ARMC8: variants seen among roughly 807,000 people sequenced by gnomAD.
The protein encoded by ARMC8 is armadillo repeat containing 8.
A neutral mutation model predicts 99.3 loss-of-function variants in ARMC8; 20 were observed. That is an observed-to-expected ratio of 0.20 (90% CI 0.14 to 0.29). The LOEUF (loss-of-function observed/expected upper bound fraction) is 0.29, where lower values mean the gene tolerates loss of function less well. Among genes scored for constraint, ARMC8 ranks in the 10% least tolerant of loss-of-function variants. ARMC8 has a pLI of 1.00. For missense variants in ARMC8, 569 were observed against 809.5 expected (o/e 0.70, Z 3.60); for synonymous variants, 263 against 278.3 (o/e 0.95, Z 0.55).
At chr3:138,205,727 C>T (rs1286097978) in intron 1 of ARMC8, among the ~76,000 whole-genome samples, 1 of 152,124 alleles carries the variant, frequency 6.6e-6, no homozygotes. Flanking sequence ...CGCTTGAGGT[C>T]AGGAATTTGA....
chr3:138,285,520 G>T (rs1009763570), intron 19 of ARMC8, among the ~76,000 whole-genome samples: 1 of 152,118 alleles, frequency 6.6e-6, no homozygotes, highest in Admixed American at 6.5e-5. Context: ...TGGCTTCTCT[G>T]CCTGGAACAC....
chr3:138,241,019 C>T (rs1448757457), intron 10 of ARMC8, among the ~76,000 whole-genome samples: 1 of 151,968 alleles, frequency 6.6e-6, no homozygotes, highest in Non-Finnish European at 1.5e-5. Flanking sequence ...CATTGCACTC[C>T]AGCCTGGGCG....
At chr3:138,250,055 A>G (rs1318704190) in intron 12 of ARMC8, among the ~76,000 whole-genome samples, 2 of 152,220 alleles carry the variant, frequency 1.3e-5, no homozygotes, top group African/African-American at 4.8e-5. Context: ...AAAGTTGTCC[A>G]ATCACAGTGG....
At chr3:138,222,075 A>G (rs1325855281) in intron 3 of ARMC8, 78 bp downstream of exon 3, 3 of 1,074,950 alleles carry the variant, frequency 2.8e-6, no homozygotes, top group African/African-American at 3.1e-5. Flanking sequence ...TATAGAACCC[A>G]TTTTTCCTGT....
At chr3:138,213,433 G>C (rs769014739) in intron 2 of ARMC8, among the ~76,000 whole-genome samples, 1 of 152,108 alleles carries the variant, frequency 6.6e-6, no homozygotes, top group East Asian at 1.9e-4. Flanking sequence ...TTGTGTAAAA[G>C]GTTTGAATAC....
intron 12 of ARMC8, among the ~76,000 whole-genome samples, chr3:138,252,328 C>T (rs961094044): frequency 4.1e-4 from 62 of 152,236 alleles, no homozygotes; most frequent in African/African-American, 1.4e-3. Flanking sequence ...TTTTGCACTA[C>T]CGAGGCAAGT....
At chr3:138,198,079 C>T (rs1559910662) in intron 1 of ARMC8, among the ~76,000 whole-genome samples, 2 of 152,126 alleles carry the variant, frequency 1.3e-5, no homozygotes, top group African/African-American at 2.4e-5. Flanking sequence ...CCTGTAGTCC[C>T]AGCTCCTCAG....
chr3:138,283,335 G>C (rs1340341559), intron 18 of ARMC8, among the ~76,000 whole-genome samples: 1 of 152,246 alleles, frequency 6.6e-6, no homozygotes, highest in Non-Finnish European at 1.5e-5. Context: ...AATTATGTGA[G>C]TCTGAATCCC....
intron 19 of ARMC8, chr3:138,287,485 G>A: frequency 6.3e-6 from 2 of 319,430 alleles, no homozygotes; most frequent in South Asian, 5.2e-5. Context: ...ATAGTAATTT[G>A]TGTCCTTAAA....
At chr3:138,227,268 T>A (rs746940861) in intron 5 of ARMC8, among the ~76,000 whole-genome samples, 10 of 152,128 alleles carry the variant, frequency 6.6e-5, no homozygotes, top group Non-Finnish European at 1.5e-4. Context: ...ATGGGGGCTG[T>A]TGTAACTGAG....
chr3:138,206,431 C>T (rs1417405353), intron 1 of ARMC8, among the ~76,000 whole-genome samples: 1 of 152,196 alleles, frequency 6.6e-6, no homozygotes, highest in African/African-American at 2.4e-5. Flanking sequence ...CTCCTTTGCT[C>T]ATTCTGCTCC....
At chr3:138,274,265 CAT>C (rs1196408825) in intron 17 of ARMC8, among the ~76,000 whole-genome samples, 182 bp from the exon 18 acceptor site, 1 of 150,028 alleles carries the variant, frequency 6.7e-6, no homozygotes, top group Non-Finnish European at 1.5e-5. Context: ...GTGTGTATGA[CAT>C]ATTTGAAGGC....
At chr3:138,189,782 A>G (rs2043273323) in intron 1 of ARMC8, among the ~76,000 whole-genome samples, 1 of 152,218 alleles carries the variant, frequency 6.6e-6, no homozygotes, top group African/African-American at 2.4e-5. Context: ...TGCATTGCCA[A>G]CCTTGACTTT....
chr3:138,286,576 C>G (rs1340208415), intron 19 of ARMC8, among the ~76,000 whole-genome samples: 1 of 152,202 alleles, frequency 6.6e-6, no homozygotes, highest in East Asian at 1.9e-4. Context: ...AGATCACAAC[C>G]TTCATTGTAC....
chr3:138,273,664 C>G lies in ARMC8; in HGVS notation c.1629+548C>G, dbSNP rs78921954. Among the ~76,000 whole-genome samples the G allele has an allele frequency of 1.7e-3, 261 of 152,272 alleles. 1 individual carries two copies. The highest frequency in any genetic ancestry group is 5.9e-3 in the African/African-American group (244 of 41,568). Reference sequence around the variant, plus strand: ...GTTCCCCAAGAAACAATGCAAGTGGCCTTCAGGTAGATGAGGAAATATGAG... The same window carrying G: ...GTTCCCCAAGAAACAATGCAAGTGGGCTTCAGGTAGATGAGGAAATATGAG... On this transcript the variant is annotated intron_variant, in intron 17 of 21. Coordinates refer to ENST00000469044, the MANE Select transcript of ARMC8 (RefSeq NM_001363941.2).
intron 1 of ARMC8, among the ~76,000 whole-genome samples, chr3:138,191,637 T>C (rs1011808662): frequency 6.6e-6 from 1 of 152,220 alleles, no homozygotes; most frequent in African/African-American, 2.4e-5. Context: ...TCCCTCTTTA[T>C]AGTCCCACCT....
intron 5 of ARMC8, among the ~76,000 whole-genome samples, chr3:138,225,109 CTTTTTT>C (rs34843565): frequency 1.8e-5 from 2 of 113,582 alleles, no homozygotes; most frequent in Non-Finnish European, 3.5e-5. Context: ...TTTCTTCTGG[CTTTTTT>C]TTTTTTTTTT....
chr3:138,267,387 CAAAT>C (rs2048375241), intron 15 of ARMC8, 146 bp downstream of exon 15: 3 of 485,268 alleles, frequency 6.2e-6, no homozygotes, highest in South Asian at 4.0e-5. Flanking sequence ...TAGGGGTGTG[CAAAT>C]AAATCATTCA....
chr3:138,223,098 A>G (rs747231814), intron 3 of ARMC8, among the ~76,000 whole-genome samples: 5 of 152,212 alleles, frequency 3.3e-5, no homozygotes, highest in African/African-American at 4.8e-5. Flanking sequence ...GAAGTGGTAG[A>G]TGACATGGAC....
Sources: allele counts gnomAD v4.1 joint callset (sites outside exome capture counted in the v4.1 genomes callset), GRCh38; gene constraint gnomAD v4.1.1; transcripts MANE v1.5; gene names NCBI Gene and HGNC (gene_info 2026-07-23, HGNC 2026-07-21).